USH2A: variants seen among roughly 807,000 people sequenced by gnomAD.
USH2A encodes the protein usherin.
Under a neutral mutation model 538.9 loss-of-function variants are expected in USH2A, and 443 were observed. The observed-to-expected ratio is 0.82, with a 90% CI of 0.76 to 0.89. The LOEUF (loss-of-function observed/expected upper bound fraction) is 0.89, where lower values mean the gene tolerates loss of function less well. Ranked by LOEUF, USH2A falls within the 40% of genes least tolerant of loss-of-function variation. USH2A has a pLI of 0.00. For synonymous variants in USH2A, 2,413 were observed against 2,273.5 expected, an observed-to-expected ratio of 1.06 and a Z score of -1.75; for missense variants, 6,633 against 6,324.8, an observed-to-expected ratio of 1.05 and a Z score of -1.65.
chr1:216,395,183 A>G (rs2039189215), intron 3 of USH2A, among the ~76,000 whole-genome samples: 1 of 152,170 alleles, frequency 6.6e-6, no homozygotes, highest in South Asian at 2.1e-4. Context: ...TCTTAAGCAT[A>G]TTTTTTGAGG....
chr1:216,294,737 A>T (rs2037070595), intron 9 of USH2A, among the ~76,000 whole-genome samples: 1 of 151,852 alleles, frequency 6.6e-6, no homozygotes, highest in Non-Finnish European at 1.5e-5. Context: ...TCTGCCCATA[A>T]TTGTTATATC....
At chr1:215,630,478 G>GTGTGTA (rs1252604512) in intron 70 of USH2A, among the ~76,000 whole-genome samples, 4 of 35,170 alleles carry the variant, frequency 1.1e-4, no homozygotes, top group African/African-American at 3.1e-4. Context: ...GTGTATGTGT[G>GTGTGTA]TGTGTATATA....
chr1:216,288,168 G>A (rs917817643), intron 11 of USH2A, among the ~76,000 whole-genome samples: 6 of 151,976 alleles, frequency 3.9e-5, no homozygotes, highest in African/African-American at 7.2e-5. Context: ...AACTCAGGGT[G>A]GATGTGTAAA....
At chr1:216,324,477 T>C in intron 6 of USH2A, 125 bp from the exon 7 acceptor site, 5 of 917,390 alleles carry the variant, frequency 5.5e-6, no homozygotes, top group South Asian at 3.6e-5. Flanking sequence ...TTATCAAATA[T>C]GTATTAGACA....
intron 41 of USH2A, among the ~76,000 whole-genome samples, chr1:215,885,691 A>G (rs1329045145): frequency 2.0e-5 from 3 of 152,192 alleles, no homozygotes; most frequent in Admixed American, 6.5e-5. Context: ...CACCTCTTTT[A>G]GTACTTACTA....
In USH2A at chr1:216,377,843, GA is replaced by G. The variant is rs1483468196; in HGVS notation, c.652-12759del. Among the ~76,000 whole-genome samples the G allele has an allele frequency of 9.4e-4, 121 of 129,164 alleles. 1 individual carries two copies. The highest frequency in any genetic ancestry group is 2.9e-3 in the African/African-American group (101 of 34,636). 84.7% of individuals were successfully genotyped at this position (129,164 alleles called of 152,430 possible). ...AGAAAGAAAGAAAGAAAGAAAGAAA[GA>G]AAGAAAGAAAGAAAGAAAGAAAGAA... On this transcript the variant is annotated intron_variant, in intron 3 of 71. Coordinates refer to ENST00000307340, the MANE Select transcript of USH2A (RefSeq NM_206933.4).
At chr1:215,883,828 C>T (rs1664981950) in intron 41 of USH2A, among the ~76,000 whole-genome samples, 1 of 152,046 alleles carries the variant, frequency 6.6e-6, no homozygotes, top group Non-Finnish European at 1.5e-5. Context: ...CAGAAAGTAC[C>T]ACCTCATTAT....
intron 21 of USH2A, among the ~76,000 whole-genome samples, chr1:216,167,458 G>T (rs180889279): frequency 6.6e-6 from 1 of 152,034 alleles, no homozygotes; most frequent in African/African-American, 2.4e-5. Context: ...GCGCTTAACC[G>T]GTATATGACC....
intron 32 of USH2A, among the ~76,000 whole-genome samples, chr1:216,005,041 C>G (rs975401458): frequency 7.2e-5 from 11 of 152,222 alleles, no homozygotes; most frequent in Middle Eastern, 3.4e-3. Context: ...CTGTAGTACC[C>G]TTCTTCTGCT....
chr1:216,369,920 CAAAAAA>C lies in USH2A; in HGVS notation c.652-4841_652-4836del, dbSNP rs71161416. On this transcript the variant is annotated intron_variant, in intron 3 of 71. Transcript: ENST00000307340. ...CCTGGGTGACAGAGTGAGACTCTGC[CAAAAAA>C]AAAAAAAAAAAAAAAGTATGTCAGA... Among the ~76,000 whole-genome samples, 200 of 127,386 alleles carry C rather than the reference CAAAAAA, an allele frequency of 1.6e-3. 4 individuals carry two copies. Among genetic ancestry groups the C allele is most frequent in the African/African-American group, 4.9e-3 (145 of 29,576 alleles). The allele number at this position is 127,386 out of a possible 152,430, so 83.6% of individuals were successfully genotyped here. A position where few individuals can be genotyped will look rare whatever the true frequency, so the allele number is the denominator to read the frequency against.
chr1:215,970,892 C>T (rs1018628529), intron 35 of USH2A, 116 bp from the exon 36 acceptor site: 2 of 793,466 alleles, frequency 2.5e-6, no homozygotes, highest in Non-Finnish European at 3.9e-6. Flanking sequence ...AAATCACAGA[C>T]TCTGGTATTT....
rs115963927 is a variant in USH2A, at chr1:215,904,273, C to A, written c.7301-3368G>T. Among the ~76,000 whole-genome samples the A allele has an allele frequency of 8.9e-3, 1,358 of 152,066 alleles. 16 individuals are homozygous for A. The highest frequency in any genetic ancestry group is 0.031 in the African/African-American group (1,287 of 41,498). On this transcript the variant is annotated intron_variant, in intron 38 of 71. Transcript: ENST00000307340. Reference sequence around the variant, plus strand: ...AAACTACATTACCTTTCTATTAAGACAGTAGGAAGAAGTGCCCCAAAGTAG... The same window carrying A: ...AAACTACATTACCTTTCTATTAAGAAAGTAGGAAGAAGTGCCCCAAAGTAG...
chr1:215,758,580 CTTTT>C lies in USH2A; in HGVS notation c.11389+11_11389+14del. The C allele has an allele frequency of 7.4e-7, 1 of 1,355,468 alleles. No individual in the cohort carries two copies. The highest frequency in any genetic ancestry group is 1.8e-5 in the Admixed American group (1 of 54,656). The allele number at this position is 1,355,468 out of a possible 1,614,324, so 84.0% of individuals were successfully genotyped here. A position where few individuals can be genotyped will look rare whatever the true frequency, so the allele number is the denominator to read the frequency against. On this transcript the variant is annotated intron_variant, in intron 58 of 71. Transcript: ENST00000307340. ...TGTTTACACACACACACACATACTT[CTTTT>C]TTTTTTTTACCTGGTGGTATCCAAG... is the stretch of plus-strand genomic sequence containing the variant.
intron 32 of USH2A, among the ~76,000 whole-genome samples, chr1:216,004,863 C>T (rs1668355887): frequency 6.6e-6 from 1 of 152,022 alleles, no homozygotes; most frequent in Non-Finnish European, 1.5e-5. Flanking sequence ...GGAACAGAGA[C>T]AATCTATAGT....
intron 21 of USH2A, chr1:216,174,307 T>C (rs1167938708): frequency 8.2e-6 from 8 of 975,732 alleles, no homozygotes; most frequent in Middle Eastern, 5.2e-4. Context: ...ATAATATATA[T>C]CTTATACTTT....
At position 216,213,025 on chromosome 1, in the gene USH2A, G is replaced by A. The variant is rs143573668; in HGVS notation, c.3157+4362C>T. ...GAACAGTGCATAGAAATAACATTGC[G>A]CAATTATACTATAGGTTTCCTGGAA... On this transcript the variant is annotated intron_variant, in intron 15 of 71. Coordinates refer to ENST00000307340, the MANE Select transcript of USH2A (RefSeq NM_206933.4). Among the ~76,000 whole-genome samples the A allele has an allele frequency of 1.6e-4, 24 of 152,086 alleles. 1 individual carries two copies. The highest frequency in any genetic ancestry group is 4.2e-4 in the South Asian group (2 of 4,818).
rs748597740 is a variant in USH2A at position 215,728,101 on chromosome 1, G to A, written c.11995C>T (p.Arg3999Cys). 8 of 1,614,046 alleles carry A rather than the reference G, an allele frequency of 5.0e-6. No individual in the cohort carries two copies. The highest frequency in any genetic ancestry group is 4.0e-5 in the African/African-American group (3 of 74,884). ...TCGGGTCTCTCCTGGTAGACCACAC[G>A]GTAATGGGAGATAATGCCATTGGGA... is the stretch of plus-strand genomic sequence containing the variant. ...ESPNGIISHY[R>C]VVYQERPDDP... is the part of the protein sequence containing the mutation. Residue 3999 changes from arginine to cysteine, a missense_variant, in exon 61 of 72, where the codon CGT (arginine) becomes TGT (cysteine). Transcript: ENST00000307340.
intron 38 of USH2A, among the ~76,000 whole-genome samples, chr1:215,921,406 T>C (rs573295838): frequency 3.3e-5 from 5 of 152,054 alleles, no homozygotes; most frequent in Non-Finnish European, 7.4e-5. Context: ...TTTTCTCTTA[T>C]GACATTATAA....
intron 16 of USH2A, among the ~76,000 whole-genome samples, chr1:216,202,571 T>C (rs1346699549): frequency 6.6e-6 from 1 of 152,190 alleles, no homozygotes; most frequent in Non-Finnish European, 1.5e-5. Flanking sequence ...AAATTTGCTG[T>C]TACTACAGAC....
Sources: gnomAD v4.1 joint callset for allele counts (sites outside exome capture counted in the v4.1 genomes callset) on GRCh38, gnomAD v4.1.1 for gene constraint, MANE v1.5 for transcripts, NCBI Gene and HGNC (gene_info 2026-07-23, HGNC 2026-07-21) for gene names.